NLRC5: variants seen among roughly 807,000 people sequenced by gnomAD.
NLRC5 encodes the protein NLR family CARD domain containing 5.
NLRC5 carries 114 observed loss-of-function variants against 206.9 expected under a neutral mutation model. The ratio of observed to expected loss-of-function variants is 0.55; its 90% CI spans 0.47 to 0.64. The LOEUF (loss-of-function observed/expected upper bound fraction) is 0.64. NLRC5 is among the 30% of genes least tolerant of loss of function. The pLI, the probability that NLRC5 is intolerant of heterozygous loss-of-function variation, is 0.00. For missense variants in NLRC5, 2,008 were observed against 2,305.5 expected, an observed-to-expected ratio of 0.87 and a Z score of 2.64; for synonymous variants, 952 against 962.8, an observed-to-expected ratio of 0.99 and a Z score of 0.21.
chr16:57,030,450 G>GGGTGGATGAAAA lies in NLRC5; in HGVS notation c.2417+367_2417+368insGTGGATGAAAAG, dbSNP rs1567564272. 2.9e-3 allele frequency among the ~76,000 whole-genome samples: 389 copies of GGGTGGATGAAAA among 134,192 alleles called. 4 individuals are homozygous for GGGTGGATGAAAA. Among genetic ancestry groups the GGGTGGATGAAAA allele is most frequent in the Middle Eastern group, 0.011 (3 of 278 alleles). The allele number at this position is 134,192 out of a possible 152,430, so 88.0% of individuals were successfully genotyped here. A position where few individuals can be genotyped will look rare whatever the true frequency, so the allele number is the denominator to read the frequency against. Reference sequence around the variant, plus strand: ...TGGGTGGATGAAAAGATGGATGGATGGATGGATGGATGGATGAAAAGATGG... The same window carrying GGGTGGATGAAAA: ...TGGGTGGATGAAAAGATGGATGGATGGGTGGATGAAAAGATGGATGGATGGATGAAAAGATGG... On this transcript the variant is annotated intron_variant, in intron 10 of 48. Coordinates refer to ENST00000688547, the MANE Select transcript of NLRC5 (RefSeq NM_001384950.1).
chr16:57,076,799 T>TCTA lies in NLRC5; in HGVS notation c.4752-19_4752-17dup, dbSNP rs542472378. The TCTA allele has an allele frequency of 3.1e-4, 506 of 1,613,026 alleles. 2 individuals are homozygous for TCTA. The African/African-American group carries it at 5.5e-3, about 18-fold the overall frequency. Reference sequence around the variant, plus strand: ...CTTTAAGCTCCTGAAAGCCTCTTGGTCTATTCCCTGCTTTTCCAGACTGAA... The same window carrying TCTA: ...CTTTAAGCTCCTGAAAGCCTCTTGGTCTACTATTCCCTGCTTTTCCAGACTGAA... On this transcript the variant is annotated intron_variant, in intron 39 of 48. Coordinates refer to ENST00000688547, the MANE Select transcript of NLRC5 (RefSeq NM_001384950.1).
chr16:56,995,180 G>A (rs975146524), intron 1 of NLRC5, among the ~76,000 whole-genome samples: 11 of 152,134 alleles, frequency 7.2e-5, no homozygotes, highest in Non-Finnish European at 1.6e-4. Context: ...CTCAAAAAAA[G>A]CAACAAACTG....
chr16:57,061,448 G>A lies in NLRC5; in HGVS notation c.3987G>A (p.Arg1329=). 6.2e-7 allele frequency: 1 copy of A among 1,611,020 alleles called. No homozygotes were observed. The highest frequency in any genetic ancestry group is 8.5e-7 in the Non-Finnish European group (1 of 1,179,922). The change falls in exon 31 of 49, where the codon AGG becomes AGA. Residue 1329 remains arginine (R), a splice_region_variant and synonymous_variant. Transcript: ENST00000688547. ...SREDQAGKTL[R]LSECSFRPEH... ...CTCTGCCCTGGCTTTCTGCCCTCAG[G>A]CTAAGTGAGTGCAGCTTCCGGCCAG...
chr16:57,037,321 C>T (rs539459254), intron 15 of NLRC5, 37 bp downstream of exon 15: 2 of 1,549,000 alleles, frequency 1.3e-6, no homozygotes, highest in South Asian at 2.2e-5. Flanking sequence ...CCATCCCCCC[C>T]CCCATCATGC....
chr16:57,034,310 C>G, intron 13 of NLRC5, 59 bp downstream of exon 13: 1 of 1,307,126 alleles, frequency 7.7e-7, no homozygotes, highest in Non-Finnish European at 1.1e-6. Flanking sequence ...AGAGGGTGGG[C>G]AGGGCCTCGC....
intron 32 of NLRC5, 199 bp downstream of exon 32, chr16:57,061,900 C>T (rs1333644303): frequency 2.3e-5 from 36 of 1,533,578 alleles, no homozygotes; most frequent in Non-Finnish European, 3.0e-5. Context: ...CTTCCCCACA[C>T]TGGAGGCCTG....
chr16:57,042,037 C>G lies in NLRC5; in HGVS notation c.3085C>G (p.Pro1029Ala). 1 of 1,570,586 alleles carries G rather than the reference C, an allele frequency of 6.4e-7. No homozygotes were observed. The highest frequency in any genetic ancestry group is 8.6e-7 in the Non-Finnish European group (1 of 1,162,206). The stretch of plus-strand genomic sequence containing the variant: ...TGCAGCCCGGCTGGCTCAGCTGCTC[C>G]CAGGGCTGGGAGCTCTGCAGTCCTT... Reference protein sequence around the residue: ...EGAARLAQLLPGLGALQSLNL... With the variant: ...EGAARLAQLLAGLGALQSLNL... Residue 1029 changes from proline (P) to alanine (A), a missense_variant, in exon 19 of 49, where the codon CCA (proline) becomes GCA (alanine). By Grantham distance (27) the Pro-to-Ala change is conservative. Coordinates refer to ENST00000688547, the MANE Select transcript of NLRC5 (RefSeq NM_001384950.1).
At position 57,040,642 on chromosome 16, in the gene NLRC5, C is replaced by T. The variant is rs759235218; in HGVS notation, c.2871-8C>T. 1 of 1,613,840 alleles carries T rather than the reference C, an allele frequency of 6.2e-7. No individual in the cohort carries two copies. The highest frequency in any genetic ancestry group is 1.1e-5 in the South Asian group (1 of 91,078). ...TTGCTCAGCCTGGCCTTGGTGATGTCCCTCCAGGGCTGCATTTCTTGACAG... is the reference window on the plus strand; with the variant it reads ...TTGCTCAGCCTGGCCTTGGTGATGTTCCTCCAGGGCTGCATTTCTTGACAG... On this transcript the variant is annotated splice_polypyrimidine_tract_variant and splice_region_variant and intron_variant, in intron 16 of 48. Coordinates refer to ENST00000688547, the MANE Select transcript of NLRC5 (RefSeq NM_001384950.1).
chr16:57,047,474 A>C (rs1243854080), intron 22 of NLRC5, 71 bp from the exon 23 acceptor site: 2 of 1,327,388 alleles, frequency 1.5e-6, no homozygotes, highest in African/African-American at 2.9e-5. Context: ...GGAGAAGGAT[A>C]GAGCCCCTGG....
At chr16:56,990,344 AG>A (rs2056658440) in intron 1 of NLRC5, among the ~76,000 whole-genome samples, 1 of 152,248 alleles carries the variant, frequency 6.6e-6, no homozygotes, top group African/African-American at 2.4e-5. Context: ...CAGTACCACC[AG>A]CATACTACAA....
At chr16:57,071,273 G>GTT (rs1226997816) in intron 38 of NLRC5, among the ~76,000 whole-genome samples, 1 of 147,632 alleles carries the variant, frequency 6.8e-6, no homozygotes, top group East Asian at 2.1e-4. Context: ...AGTGAGTTGT[G>GTT]GGGTTGGTTA....
chr16:57,005,983 A>T (rs1015844596), intron 1 of NLRC5, among the ~76,000 whole-genome samples: 2 of 151,696 alleles, frequency 1.3e-5, no homozygotes, highest in South Asian at 4.2e-4. Context: ...TTCTTCCAGA[A>T]ATATTAATGT....
At chr16:57,009,599 A>C (rs370176448) in intron 1 of NLRC5, among the ~76,000 whole-genome samples, 47 of 152,282 alleles carry the variant, frequency 3.1e-4, no homozygotes, top group African/African-American at 1.1e-3. Context: ...TTTCAAAAAA[A>C]AAAATACAAG....
At chr16:57,010,001 A>G (rs1244900426) in intron 1 of NLRC5, among the ~76,000 whole-genome samples, 3 of 152,196 alleles carry the variant, frequency 2.0e-5, no homozygotes, top group Non-Finnish European at 4.4e-5. Context: ...AGGCTAGGCC[A>G]TAGCAGTAGA....
Position 57,037,201 on chromosome 16 carries a change from T to C in NLRC5, c.2718T>C (p.Ser906=), listed in dbSNP as rs1684579. 1,117,493 of 1,612,996 alleles carry C rather than the reference T, an allele frequency of 0.69. 391,618 individuals are homozygous for C. The highest frequency in any genetic ancestry group is 0.72 in the Non-Finnish European group (847,277 of 1,179,446). The part of the protein sequence containing the change: ...QLHIARKLDL[S]NNGLSVAGVH... ...CTTCTCCTGCTCTCCACAGCCTCAG[T>C]AACAACGGGCTTTCTGTGGCCGGGG... Residue 906 remains serine, a synonymous_variant, in exon 15 of 49, where the codon AGT becomes AGC. Coordinates refer to ENST00000688547, the MANE Select transcript of NLRC5 (RefSeq NM_001384950.1).
chr16:57,009,603 A>T (rs2059287285), intron 1 of NLRC5, among the ~76,000 whole-genome samples: 1 of 152,192 alleles, frequency 6.6e-6, no homozygotes, highest in African/African-American at 2.4e-5. Context: ...AAAAAAAAAA[A>T]TACAAGAACA....
Position 57,078,008 on chromosome 16 carries a change from T to A in NLRC5, c.5069T>A (p.Leu1690Gln). ...CTGGCTCAGGAGCTGCCCCAGCACCTGAGGGTCCTACAGTGAGTGGCCCCC... is the reference window on the plus strand; with the variant it reads ...CTGGCTCAGGAGCTGCCCCAGCACCAGAGGGTCCTACAGTGAGTGGCCCCC... ...LGLAQELPQH[L>Q]RVLHLPFSHL... is the part of the protein sequence containing the mutation. Residue 1690 changes from leucine to glutamine, a missense_variant, in exon 43 of 49, where the codon CTG becomes CAG. Coordinates refer to ENST00000688547, the MANE Select transcript of NLRC5 (RefSeq NM_001384950.1). The A allele has an allele frequency of 6.2e-7, 1 of 1,607,328 alleles. No homozygotes were observed. The highest frequency in any genetic ancestry group is 8.5e-7 in the Non-Finnish European group (1 of 1,175,920).
chr16:57,032,750 C>A (rs768262189), intron 11 of NLRC5, among the ~76,000 whole-genome samples: 12 of 149,476 alleles, frequency 8.0e-5, no homozygotes, highest in Non-Finnish European at 1.3e-4. Context: ...AACCCCAGCA[C>A]TTTGAGAGGC....
intron 19 of NLRC5, among the ~76,000 whole-genome samples, chr16:57,042,648 G>T (rs760804576): frequency 6.6e-6 from 1 of 152,206 alleles, no homozygotes; most frequent in African/African-American, 2.4e-5. Context: ...AGCCAGAGGA[G>T]CCCAGGGGAG....
Sources: gnomAD v4.1 joint callset for allele counts (sites outside exome capture counted in the v4.1 genomes callset) on GRCh38, gnomAD v4.1.1 for gene constraint, MANE v1.5 for transcripts, NCBI Gene and HGNC (gene_info 2026-07-23, HGNC 2026-07-21) for gene names.